GALM: variants seen among roughly 807,000 people sequenced by gnomAD.
GALM encodes aldose 1-epimerase.
GALM carries 43 observed loss-of-function variants against 37.4 expected under a neutral mutation model. The ratio of observed to expected loss-of-function variants is 1.15; its 90% CI spans 0.90 to 1.48. The LOEUF is 1.48. Among genes scored for constraint, GALM ranks in the 40% most tolerant of loss-of-function variants. The probability of loss-of-function intolerance (pLI) is 0.00; values close to 1 mark genes in which losing one functional copy is unlikely to be tolerated. For missense variants in GALM, 456 were observed against 419.1 expected (o/e 1.09, Z -0.77); for synonymous variants, 199 against 170.6 (o/e 1.17, Z -1.30).
chr2:38,699,100 G>C (rs1665866521), intron 4 of GALM, among the ~76,000 whole-genome samples: 1 of 151,128 alleles, frequency 6.6e-6, no homozygotes, highest in African/African-American at 2.4e-5. Flanking sequence ...TTTTAGTAGA[G>C]ACGGGGTTTC....
rs182349032 is a variant in GALM, at chr2:38,680,806, T to C, written c.346-474T>C. Among the ~76,000 whole-genome samples the C allele has an allele frequency of 1.4e-3, 206 of 148,798 alleles. 1 individual carries two copies. The highest frequency in any genetic ancestry group is 4.8e-3 in the African/African-American group (195 of 40,410). ...AAGTTAGAGAAAAGAGAATGGGGAG[T>C]GTGAGAAGGTAGAGAAAAACAAACA... On this transcript the variant is annotated intron_variant, in intron 2 of 6. Coordinates refer to ENST00000272252, the MANE Select transcript of GALM (RefSeq NM_138801.3).
chr2:38,679,546 G>A (rs1270712222), intron 2 of GALM, among the ~76,000 whole-genome samples: 1 of 152,198 alleles, frequency 6.6e-6, no homozygotes, highest in Non-Finnish European at 1.5e-5. Context: ...TACCTTGCAA[G>A]ATGATTTATG....
At chr2:38,688,142 G>T (rs1280588881) in intron 3 of GALM, among the ~76,000 whole-genome samples, 1 of 151,714 alleles carries the variant, frequency 6.6e-6, no homozygotes. Flanking sequence ...AACCTGGGAG[G>T]CAGAGACTGC....
Position 38,675,771 on chromosome 2 carries a change from G to T in GALM, c.191-141G>T, listed in dbSNP as rs533929764. On this transcript the variant is annotated intron_variant, in intron 1 of 6. Coordinates refer to ENST00000272252, the MANE Select transcript of GALM (RefSeq NM_138801.3). ...TTTTTAGTAGAGACAGGGTTTCACC[G>T]TGTTAGCCAGGATGGTCTCGATCTC... 29 of 727,362 alleles carry T rather than the reference G, an allele frequency of 4.0e-5. No individual in the cohort carries two copies. The Admixed American group carries it at 5.1e-4, about 13-fold the overall frequency. 45.1% of individuals were successfully genotyped at this position (727,362 alleles called of 1,614,324 possible). A position where few individuals can be genotyped will look rare whatever the true frequency, so the allele number is the denominator to read the frequency against.
chr2:38,726,973 T>C (rs1034268622), intron 4 of GALM, among the ~76,000 whole-genome samples: 1 of 151,960 alleles, frequency 6.6e-6, no homozygotes, highest in African/African-American at 2.4e-5. Flanking sequence ...CCCAGCACTT[T>C]GGGAGGCCAA....
At chr2:38,715,719 C>T (rs1487350931) in intron 4 of GALM, among the ~76,000 whole-genome samples, 1 of 152,218 alleles carries the variant, frequency 6.6e-6, no homozygotes, top group Non-Finnish European at 1.5e-5. Flanking sequence ...AGGCGTGAGC[C>T]ACCGTGTCCG....
Position 38,686,243 on chromosome 2 carries a change from T to C in GALM, c.553-3570T>C, listed in dbSNP as rs552500458. Among the ~76,000 whole-genome samples, 1,082 of 96,422 alleles carry C rather than the reference T, an allele frequency of 0.011. 68 individuals are homozygous for C. The East Asian group carries it at 0.16, about 14-fold the overall frequency. The allele number at this position is 96,422 out of a possible 152,430, so 63.3% of individuals were successfully genotyped here. A position where few individuals can be genotyped will look rare whatever the true frequency, so the allele number is the denominator to read the frequency against. Reference sequence around the variant, plus strand: ...AAATTTCTTTCTTTCTTTCTTTCTTTCTTTCTTTCTTTCTTTCTTTCTTTC... The same window carrying C: ...AAATTTCTTTCTTTCTTTCTTTCTTCCTTTCTTTCTTTCTTTCTTTCTTTC... On this transcript the variant is annotated intron_variant, in intron 3 of 6. Coordinates refer to ENST00000272252, the MANE Select transcript of GALM (RefSeq NM_138801.3).
intron 4 of GALM, among the ~76,000 whole-genome samples, chr2:38,702,932 T>TATATA (rs1553382842): frequency 6.7e-5 from 9 of 134,888 alleles, no homozygotes; most frequent in African/African-American, 2.2e-4. Context: ...TATATACTTT[T>TATATA]TATATATATA....
chr2:38,679,370 A>C (rs1286896701), intron 2 of GALM, among the ~76,000 whole-genome samples: 2 of 151,274 alleles, frequency 1.3e-5, no homozygotes, highest in African/African-American at 2.4e-5. Flanking sequence ...CCCGACACAC[A>C]CTAGGAATGT....
At chr2:38,716,492 T>C (rs1239618453) in intron 4 of GALM, among the ~76,000 whole-genome samples, 1 of 152,226 alleles carries the variant, frequency 6.6e-6, no homozygotes, top group Non-Finnish European at 1.5e-5. Flanking sequence ...ACATATTCTA[T>C]AGACCAAGGA....
intron 4 of GALM, among the ~76,000 whole-genome samples, chr2:38,699,783 CAG>C (rs1306758859): frequency 6.6e-6 from 1 of 152,126 alleles, no homozygotes; most frequent in African/African-American, 2.4e-5. Flanking sequence ...CCACTGTGGT[CAG>C]GAAAGATACT....
chr2:38,688,383 T>C (rs1665592772), intron 3 of GALM, among the ~76,000 whole-genome samples: 1 of 151,878 alleles, frequency 6.6e-6, no homozygotes, highest in African/African-American at 2.4e-5. Context: ...TGGTGGTGCA[T>C]GCCTGTAATC....
chr2:38,674,637 CCTAA>C (rs1228713895), intron 1 of GALM, among the ~76,000 whole-genome samples: 1 of 151,998 alleles, frequency 6.6e-6, no homozygotes, highest in Non-Finnish European at 1.5e-5. Context: ...TTGTGTATTA[CCTAA>C]CTCTCTCTAA....
chr2:38,687,010 AG>A (rs778060185), intron 3 of GALM, among the ~76,000 whole-genome samples: 1 of 152,146 alleles, frequency 6.6e-6, no homozygotes, highest in Non-Finnish European at 1.5e-5. Flanking sequence ...CTCCCAGTTT[AG>A]CGCCACCAAG....
chr2:38,721,161 CAA>C (rs1666368840), intron 4 of GALM, among the ~76,000 whole-genome samples: 1 of 152,142 alleles, frequency 6.6e-6, no homozygotes, highest in Admixed American at 6.5e-5. Flanking sequence ...TTATGTAAGA[CAA>C]GAGATATGAA....
chr2:38,717,606 G>C (rs1666295876), intron 4 of GALM, among the ~76,000 whole-genome samples: 1 of 151,900 alleles, frequency 6.6e-6, no homozygotes, highest in East Asian at 1.9e-4. Context: ...TGCCGTGTTG[G>C]CCAGGCTGGT....
At chr2:38,719,061 G>C (rs563621671) in intron 4 of GALM, among the ~76,000 whole-genome samples, 3 of 151,988 alleles carry the variant, frequency 2.0e-5, no homozygotes, top group African/African-American at 7.2e-5. Flanking sequence ...TAGAATGTGT[G>C]TGGCATAAAT....
chr2:38,686,239 T>C lies in GALM; in HGVS notation c.553-3574T>C, dbSNP rs527440150. On this transcript the variant is annotated intron_variant, in intron 3 of 6. Coordinates refer to ENST00000272252, the MANE Select transcript of GALM (RefSeq NM_138801.3). ...GTGGAAATTTCTTTCTTTCTTTCTT[T>C]CTTTCTTTCTTTCTTTCTTTCTTTC... is the stretch of plus-strand genomic sequence containing the variant. 0.013 allele frequency among the ~76,000 whole-genome samples: 1,166 copies of C among 91,074 alleles called. 74 individuals carry two copies. The East Asian group carries it at 0.17, about 14-fold the overall frequency. 59.7% of individuals were successfully genotyped at this position (91,074 alleles called of 152,430 possible).
At chr2:38,721,534 G>A (rs1246933740) in intron 4 of GALM, among the ~76,000 whole-genome samples, 1 of 151,952 alleles carries the variant, frequency 6.6e-6, no homozygotes, top group African/African-American at 2.4e-5. Flanking sequence ...TCTTTTTTGA[G>A]ACGAGCTCTC....
Sources: allele counts gnomAD v4.1 joint callset (sites outside exome capture counted in the v4.1 genomes callset), GRCh38; gene constraint gnomAD v4.1.1; transcripts MANE v1.5; gene names NCBI Gene and HGNC (gene_info 2026-07-23, HGNC 2026-07-21).